Variants in CNOT6 observed in about 807,000 individuals in gnomAD.
CNOT6 encodes the protein carbon catabolite repression 4 protein.
A neutral mutation model predicts 61.2 loss-of-function variants in CNOT6; 12 were observed. The ratio of observed to expected loss-of-function variants is 0.20; its 90% CI spans 0.13 to 0.32. The LOEUF (loss-of-function observed/expected upper bound fraction) is 0.32, where lower values mean the gene tolerates loss of function less well. Ranked by LOEUF, CNOT6 falls within the 10% of genes least tolerant of loss-of-function variation. CNOT6 has a pLI of 1.00. For missense variants in CNOT6, 405 were observed against 663.9 expected (o/e 0.61, Z 4.28); for synonymous variants, 225 against 240.6 (o/e 0.94, Z 0.60).
chr5:180,559,492 C>T (rs1434418879), intron 4 of CNOT6, among the ~76,000 whole-genome samples: 1 of 152,158 alleles, frequency 6.6e-6, no homozygotes, highest in African/African-American at 2.4e-5. Context: ...TCTATTATTA[C>T]ATCTGAAGTG....
chr5:180,508,004 AATTTGACATGAC>A (rs2127698706), intron 1 of CNOT6, among the ~76,000 whole-genome samples: 1 of 152,242 alleles, frequency 6.6e-6, no homozygotes, highest in East Asian at 1.9e-4. Context: ...CTGGGGATAC[AATTTGACATGAC>A]ATTTGGGTGG....
rs1025377563 is a variant in CNOT6, at chr5:180,563,216, A to T, written c.386-1273A>T. ...ATTCGGCCTTGGCCTTTCCTGTTAA[A>T]TTTTTTTTTTTTTTTTTGAGACAGA... is the stretch of plus-strand genomic sequence containing the variant. On this transcript the variant is annotated intron_variant, in intron 4 of 11. Transcript: ENST00000261951. Among the ~76,000 whole-genome samples, 227 of 140,244 alleles carry T rather than the reference A, an allele frequency of 1.6e-3. 1 individual carries two copies. Among genetic ancestry groups the T allele is most frequent in the African/African-American group, 5.7e-3 (214 of 37,788 alleles). The allele number at this position is 140,244 out of a possible 152,430, so 92.0% of individuals were successfully genotyped here.
In CNOT6 at chr5:180,549,954, T is replaced by C; in HGVS notation, c.136T>C (p.Ser46Pro). The C allele has an allele frequency of 6.2e-7, 1 of 1,613,264 alleles. No homozygotes were observed. Among genetic ancestry groups the C allele is most frequent in the South Asian group, 1.1e-5 (1 of 91,008 alleles). The change falls in exon 3 of 12, where the codon TCT (serine) becomes CCT (proline). Residue 46 changes from serine (S) to proline (P), a missense_variant. Coordinates refer to ENST00000261951, the MANE Select transcript of CNOT6 (RefSeq NM_001370472.1). The part of the protein sequence containing the change: ...ISGKVRSLSA[S>P]LWSLTHLTAL... The stretch of plus-strand genomic sequence containing the variant: ...AGGAAAAGTAAGAAGCTTAAGCGCA[T>C]CTTTGTGGTCACTAACTCACCTGAC...
chr5:180,521,754 A>G (rs1323300846), intron 1 of CNOT6, among the ~76,000 whole-genome samples: 5 of 152,230 alleles, frequency 3.3e-5, no homozygotes, highest in East Asian at 1.9e-4. Flanking sequence ...GTTTGTGTCC[A>G]TATGTACCCA....
Position 180,553,386 on chromosome 5 carries a change from G to A in CNOT6, c.300G>A (p.Arg100=), listed in dbSNP as rs1759716629. The change falls in exon 4 of 12, where the codon AGG becomes AGA. Residue 100 remains arginine (R), a splice_region_variant and synonymous_variant. Transcript: ENST00000261951. ...PAELGNMVSL[R]ELHLNNNLLR... ...CTTCCTGGAATTTTTACATCAACAG[G>A]GAGCTCCATTTAAATAACAACCTGT... The A allele has an allele frequency of 1.2e-6, 2 of 1,611,180 alleles. No homozygotes were observed. The highest frequency in any genetic ancestry group is 2.7e-5 in the African/African-American group (2 of 74,836).
At chr5:180,565,506 A>G (rs1166646381) in intron 6 of CNOT6, among the ~76,000 whole-genome samples, 1 of 152,236 alleles carries the variant, frequency 6.6e-6, no homozygotes, top group Non-Finnish European at 1.5e-5. Context: ...GTAGCATGGT[A>G]GAAGGAGTAT....
At chr5:180,569,028 ATTTGC>A in intron 9 of CNOT6, 77 bp from the exon 10 acceptor site, 1 of 982,648 alleles carries the variant, frequency 1.0e-6, no homozygotes, top group East Asian at 2.6e-5. Flanking sequence ...CTGAGAGATT[ATTTGC>A]TTTCAGACGC....
intron 1 of CNOT6, among the ~76,000 whole-genome samples, chr5:180,509,769 C>T (rs769101280): frequency 6.6e-5 from 10 of 151,312 alleles, no homozygotes; most frequent in Non-Finnish European, 1.3e-4. Context: ...CAGTCTGGAA[C>T]TCCTGGGCTG....
At chr5:180,502,228 T>G (rs1227835521) in intron 1 of CNOT6, among the ~76,000 whole-genome samples, 1 of 152,240 alleles carries the variant, frequency 6.6e-6, no homozygotes, top group African/African-American at 2.4e-5. Flanking sequence ...TATTGCATTT[T>G]TATTTGGTGA....
At chr5:180,543,788 C>T (rs954174590) in intron 2 of CNOT6, among the ~76,000 whole-genome samples, 3 of 151,764 alleles carry the variant, frequency 2.0e-5, no homozygotes, top group African/African-American at 4.8e-5. Flanking sequence ...TTTTTTATTA[C>T]TGAGTTTGAA....
chr5:180,526,373 C>T (rs1425577438), intron 1 of CNOT6, among the ~76,000 whole-genome samples: 5 of 152,126 alleles, frequency 3.3e-5, no homozygotes, highest in African/African-American at 9.7e-5. Context: ...GAGTAATGTC[C>T]TTGAATAGGC....
intron 3 of CNOT6, among the ~76,000 whole-genome samples, chr5:180,553,066 C>G (rs115156074): frequency 6.6e-6 from 1 of 152,150 alleles, no homozygotes; most frequent in Non-Finnish European, 1.5e-5. Flanking sequence ...TGCAAACTGT[C>G]TTGCCAGTCT....
intron 1 of CNOT6, among the ~76,000 whole-genome samples, chr5:180,518,175 A>T (rs1033879970): frequency 5.9e-5 from 9 of 152,118 alleles, no homozygotes; most frequent in Non-Finnish European, 1.2e-4. Context: ...CATTGTGATT[A>T]TGATTCTTAC....
chr5:180,541,986 C>T (rs11742375), intron 2 of CNOT6, among the ~76,000 whole-genome samples: 5 of 151,760 alleles, frequency 3.3e-5, no homozygotes, highest in Admixed American at 6.6e-5. Flanking sequence ...GTAGCTGTGA[C>T]GATTTGGAAG....
At chr5:180,509,795 C>T (rs1055416042) in intron 1 of CNOT6, among the ~76,000 whole-genome samples, 2 of 150,790 alleles carry the variant, frequency 1.3e-5, no homozygotes, top group African/African-American at 2.4e-5. Context: ...ATCCTCCTAC[C>T]GTGGCCTAGT....
chr5:180,539,297 A>AAC (rs1453511972), intron 2 of CNOT6, among the ~76,000 whole-genome samples: 1 of 137,436 alleles, frequency 7.3e-6, no homozygotes, highest in African/African-American at 2.5e-5. Flanking sequence ...CAAACAAACA[A>AAC]AAAAAAACTG....
At chr5:180,522,509 T>C (rs1269245021) in intron 1 of CNOT6, among the ~76,000 whole-genome samples, 1 of 152,210 alleles carries the variant, frequency 6.6e-6, no homozygotes, top group East Asian at 1.9e-4. Flanking sequence ...GTGTTCCCTT[T>C]TTGGGGCAGC....
chr5:180,572,390 A>G (rs1221291865), intron 11 of CNOT6, among the ~76,000 whole-genome samples: 5 of 151,762 alleles, frequency 3.3e-5, no homozygotes, highest in African/African-American at 1.2e-4. Context: ...GAGTTTCACC[A>G]TGTTGGCCAG....
intron 1 of CNOT6, among the ~76,000 whole-genome samples, chr5:180,522,055 A>G (rs1436000172): frequency 6.6e-6 from 1 of 152,210 alleles, no homozygotes; most frequent in Non-Finnish European, 1.5e-5. Flanking sequence ...GTATAGAACC[A>G]GTAATGGAAT....
Sources: gnomAD v4.1 joint callset for allele counts (sites outside exome capture counted in the v4.1 genomes callset) on GRCh38, gnomAD v4.1.1 for gene constraint, MANE v1.5 for transcripts, NCBI Gene and HGNC (gene_info 2026-07-23, HGNC 2026-07-21) for gene names.